Variants in LRRC7 observed in about 807,000 individuals in gnomAD.
The protein encoded by LRRC7 is leucine-rich repeat-containing protein 7.
In LRRC7, 23 loss-of-function variants were observed where a neutral mutation model predicts 175.7. The observed-to-expected ratio is 0.13, with a 90% CI of 0.09 to 0.19. The LOEUF is 0.19. Ranked by LOEUF, LRRC7 falls within the 10% of genes least tolerant of loss-of-function variation. The pLI is 1.00. For synonymous variants in LRRC7, 685 were observed against 680.9 expected, an observed-to-expected ratio of 1.01 and a Z score of -0.09; for missense variants, 1,354 against 1,904.7, an observed-to-expected ratio of 0.71 and a Z score of 5.38.
intron 3 of LRRC7, among the ~76,000 whole-genome samples, chr1:69,775,133 T>C (rs887022896): frequency 6.6e-6 from 1 of 152,220 alleles, no homozygotes. Flanking sequence ...TTGAAAATGA[T>C]TTATCAATGC....
chr1:69,717,141 A>T (rs1665457456), intron 2 of LRRC7, among the ~76,000 whole-genome samples: 1 of 151,722 alleles, frequency 6.6e-6, no homozygotes, highest in Non-Finnish European at 1.5e-5. Flanking sequence ...ATTCAATAGT[A>T]ATGATTAAAA....
At chr1:69,903,706 A>G (rs1646208317) in intron 7 of LRRC7, among the ~76,000 whole-genome samples, 1 of 152,222 alleles carries the variant, frequency 6.6e-6, no homozygotes, top group African/African-American at 2.4e-5. Flanking sequence ...TCAAAAAATC[A>G]GTGAATCCAG....
intron 3 of LRRC7, among the ~76,000 whole-genome samples, chr1:69,781,725 AAGAAAGAAAGAG>A (rs1351332008): frequency 2.1e-3 from 71 of 34,108 alleles, no homozygotes; most frequent in African/African-American, 5.0e-3. Flanking sequence ...GAAAGAAAGA[AAGAAAGAAAGAG>A]AGAGAGAGAG....
At chr1:69,612,417 A>G (rs993321096) in intron 1 of LRRC7, among the ~76,000 whole-genome samples, 1 of 152,082 alleles carries the variant, frequency 6.6e-6, no homozygotes, top group South Asian at 2.1e-4. Context: ...AAAGACAATT[A>G]GGTTACTGGA....
intron 2 of LRRC7, among the ~76,000 whole-genome samples, chr1:69,703,960 A>G (rs2100706576): frequency 6.6e-6 from 1 of 152,130 alleles, no homozygotes; most frequent in African/African-American, 2.4e-5. Flanking sequence ...TAGGTGTTCT[A>G]GGTTCCAAGA....
intron 4 of LRRC7, among the ~76,000 whole-genome samples, chr1:69,798,078 C>G (rs1199324203): frequency 6.6e-6 from 1 of 151,982 alleles, no homozygotes; most frequent in Non-Finnish European, 1.5e-5. Context: ...CCTGTCAACA[C>G]GCCCAGCTAA....
chr1:70,114,404 C>T (rs1210968212), intron 26 of LRRC7, among the ~76,000 whole-genome samples: 1 of 152,120 alleles, frequency 6.6e-6, no homozygotes, highest in African/African-American at 2.4e-5. Flanking sequence ...TGGCTCACAC[C>T]TGTAATCCCA....
intron 26 of LRRC7, among the ~76,000 whole-genome samples, chr1:70,109,350 A>G (rs994324575): frequency 4.6e-5 from 7 of 152,286 alleles, no homozygotes; most frequent in East Asian, 3.9e-4. Context: ...CTAATTAGCA[A>G]GATCACAATC....
chr1:69,997,091 G>A (rs1393395982), intron 11 of LRRC7, among the ~76,000 whole-genome samples: 3 of 152,038 alleles, frequency 2.0e-5, no homozygotes, highest in Non-Finnish European at 4.4e-5. Context: ...GTGGTTTGTA[G>A]TTCTCCTTGA....
At chr1:69,777,952 G>A (rs1273853943) in intron 3 of LRRC7, among the ~76,000 whole-genome samples, 2 of 152,224 alleles carry the variant, frequency 1.3e-5, no homozygotes, top group Admixed American at 1.3e-4. Flanking sequence ...TCTAACTTCA[G>A]GGGAAAAAAC....
At chr1:69,900,399 T>G (rs1206695265) in intron 7 of LRRC7, among the ~76,000 whole-genome samples, 1 of 152,228 alleles carries the variant, frequency 6.6e-6, no homozygotes, top group Non-Finnish European at 1.5e-5. Context: ...TAACACTTCA[T>G]TTTTCTTCTT....
chr1:69,656,255 A>G (rs1166652862), intron 1 of LRRC7, among the ~76,000 whole-genome samples: 1 of 152,016 alleles, frequency 6.6e-6, no homozygotes, highest in African/African-American at 2.4e-5. Flanking sequence ...ACCCACAAAC[A>G]TTACTCTAAG....
intron 18 of LRRC7, among the ~76,000 whole-genome samples, chr1:70,031,763 C>T (rs1210550595): frequency 1.3e-5 from 2 of 151,852 alleles, no homozygotes; most frequent in Non-Finnish European, 2.9e-5. Context: ...ACAGCAACCA[C>T]CAAAAACCCA....
intron 7 of LRRC7, among the ~76,000 whole-genome samples, chr1:69,906,020 A>T (rs1188374142): frequency 6.6e-6 from 1 of 152,190 alleles, no homozygotes; most frequent in Non-Finnish European, 1.5e-5. Flanking sequence ...GATGGCGAGC[A>T]TTTGTTCATG....
intron 3 of LRRC7, among the ~76,000 whole-genome samples, chr1:69,781,785 GA>G (rs1202740863): frequency 6.7e-5 from 4 of 59,468 alleles, no homozygotes; most frequent in African/African-American, 3.4e-4. Context: ...AAGAAAGAAA[GA>G]AAGGAAGGAA....
intron 2 of LRRC7, among the ~76,000 whole-genome samples, chr1:69,734,742 C>T (rs1667931302): frequency 6.6e-6 from 1 of 151,758 alleles, no homozygotes; most frequent in African/African-American, 2.4e-5. Context: ...TATTTCTTTA[C>T]TTCCTGTTTC....
chr1:69,705,630 A>T (rs1663940189), intron 2 of LRRC7, among the ~76,000 whole-genome samples: 1 of 152,096 alleles, frequency 6.6e-6, no homozygotes, highest in Admixed American at 6.6e-5. Flanking sequence ...GTAAGTGAGG[A>T]TGGTAGGTAA....
intron 2 of LRRC7, among the ~76,000 whole-genome samples, chr1:69,750,621 G>A (rs181853221): frequency 1.8e-3 from 273 of 152,226 alleles, no homozygotes; most frequent in Non-Finnish European, 3.0e-3. Flanking sequence ...AATTCTGGAG[G>A]CTAGGAGTCC....
chr1:70,121,695 T>A, intron 26 of LRRC7, 85 bp from the exon 27 acceptor site: 1 of 847,744 alleles, frequency 1.2e-6, no homozygotes, highest in East Asian at 2.6e-5. Context: ...TGTTGCTCAG[T>A]GCTCCCGTGA....
Sources: allele counts gnomAD v4.1 joint callset (sites outside exome capture counted in the v4.1 genomes callset), GRCh38; gene constraint gnomAD v4.1.1; transcripts MANE v1.5; gene names NCBI Gene and HGNC (gene_info 2026-07-23, HGNC 2026-07-21).